Variants in PCDH15 observed in about 807,000 individuals in gnomAD.
The protein encoded by PCDH15 is protocadherin-15.
In PCDH15, 129 loss-of-function variants were observed where a neutral mutation model predicts 178.5. The ratio of observed to expected loss-of-function variants is 0.72; its 90% confidence interval spans 0.63 to 0.84. PCDH15 has a LOEUF of 0.84. PCDH15 is among the 40% of genes least tolerant of loss of function. The pLI is 0.00. For missense variants in PCDH15, 2,230 were observed against 2,099.9 expected, an observed-to-expected ratio of 1.06 and a Z score of -1.21; for synonymous variants, 800 against 732.0, an observed-to-expected ratio of 1.09 and a Z score of -1.50.
rs2094709661 is a variant in PCDH15 at position 54,673,198 on chromosome 10, T to C, written c.-28-8908A>G. 2.0e-5 allele frequency among the ~76,000 whole-genome samples: 3 copies of C among 152,056 alleles called. 1 individual carries two copies. On this transcript the variant is annotated intron_variant, in intron 1 of 37. Coordinates refer to ENST00000644397, the MANE Select transcript of PCDH15 (RefSeq NM_001384140.1). ...CAACCCGTCATCTACATTAGGTATT[T>C]CTCCTAATGCTATCCCTCCCCTAAC... is the stretch of plus-strand genomic sequence containing the variant.
At chr10:54,977,468 C>T (rs530722116) in intron 2 of PCDH15, among the ~76,000 whole-genome samples, 2 of 152,120 alleles carry the variant, frequency 1.3e-5, no homozygotes, top group African/African-American at 4.8e-5. Context: ...TGAAAGTTTA[C>T]AAACGCCATG....
intron 3 of PCDH15, among the ~76,000 whole-genome samples, chr10:54,515,092 G>C (rs575065749): frequency 2.6e-5 from 4 of 152,176 alleles, no homozygotes; most frequent in South Asian, 4.1e-4. Context: ...CTGAGGTACC[G>C]GGTTCATCTC....
At chr10:53,872,367 T>C (rs1357525601) in intron 26 of PCDH15, among the ~76,000 whole-genome samples, 1 of 152,230 alleles carries the variant, frequency 6.6e-6, no homozygotes, top group East Asian at 1.9e-4. Flanking sequence ...TAAACTTTCA[T>C]GTCTAAATTC....
At chr10:54,440,368 C>G (rs2075724726) in intron 3 of PCDH15, among the ~76,000 whole-genome samples, 1 of 151,884 alleles carries the variant, frequency 6.6e-6, no homozygotes, top group South Asian at 2.1e-4. Flanking sequence ...AGAGGAAAAC[C>G]TCCTAAAATC....
At chr10:55,313,406 T>G (rs1843640760) in intron 1 of PCDH15, among the ~76,000 whole-genome samples, 2 of 152,200 alleles carry the variant, frequency 1.3e-5, no homozygotes, top group African/African-American at 4.8e-5. Context: ...GTTAAATTCC[T>G]TCTATTTAAA....
chr10:55,115,881 C>G (rs941818343), intron 2 of PCDH15, among the ~76,000 whole-genome samples: 3 of 152,192 alleles, frequency 2.0e-5, no homozygotes, highest in Admixed American at 6.5e-5. Flanking sequence ...CTCCATCTTT[C>G]TTTTCACTTT....
chr10:54,869,426 T>G (rs1953996039), intron 3 of PCDH15, among the ~76,000 whole-genome samples: 1 of 152,160 alleles, frequency 6.6e-6, no homozygotes, highest in Admixed American at 6.6e-5. Flanking sequence ...ACAGCAGCCC[T>G]GGAAAAGTAA....
chr10:54,544,741 T>G (rs2085657882), intron 2 of PCDH15, among the ~76,000 whole-genome samples: 3 of 152,172 alleles, frequency 2.0e-5, no homozygotes, highest in Non-Finnish European at 4.4e-5. Flanking sequence ...ATACACGCAA[T>G]GGTTTTCTCT....
chr10:55,225,886 T>A (rs1311335361), intron 1 of PCDH15, among the ~76,000 whole-genome samples: 1 of 151,950 alleles, frequency 6.6e-6, no homozygotes, highest in Non-Finnish European at 1.5e-5. Context: ...TTCTCTAAAT[T>A]TGGGGACCGT....
chr10:55,553,255 T>C (rs557984850), intron 2 of PCDH15, among the ~76,000 whole-genome samples: 1 of 151,358 alleles, frequency 6.6e-6, no homozygotes, highest in Non-Finnish European at 1.5e-5. Context: ...TTTTGTGTGG[T>C]TCACCTCTGG....
At chr10:55,158,620 AG>A (rs1178362563) in intron 2 of PCDH15, among the ~76,000 whole-genome samples, 9 of 151,854 alleles carry the variant, frequency 5.9e-5, no homozygotes, top group Non-Finnish European at 1.3e-4. Context: ...CAAAAATAAA[AG>A]CTTTTAAAGT....
chr10:55,217,827 G>T (rs1840750005), intron 1 of PCDH15, among the ~76,000 whole-genome samples: 1 of 151,846 alleles, frequency 6.6e-6, no homozygotes, highest in Non-Finnish European at 1.5e-5. Flanking sequence ...TTAATCAAGG[G>T]GTGAACTGCT....
chr10:55,408,050 C>A (rs897813889), intron 2 of PCDH15, among the ~76,000 whole-genome samples: 2 of 152,072 alleles, frequency 1.3e-5, no homozygotes, highest in Non-Finnish European at 2.9e-5. Flanking sequence ...AAGATGGTAA[C>A]CAATAACTTG....
intron 18 of PCDH15, among the ~76,000 whole-genome samples, chr10:54,063,632 G>A (rs1168353667): frequency 1.3e-5 from 2 of 152,138 alleles, no homozygotes; most frequent in Non-Finnish European, 2.9e-5. Context: ...CGGACTAGCT[G>A]TGTTTGTATC....
At chr10:54,848,678 G>GACT (rs1391448297) in intron 3 of PCDH15, among the ~76,000 whole-genome samples, 2 of 152,228 alleles carry the variant, frequency 1.3e-5, no homozygotes, top group African/African-American at 4.8e-5. Flanking sequence ...ATAGAAAACA[G>GACT]ACTAGTACAT....
Position 53,828,569 on chromosome 10 carries a change from T to G in PCDH15, c.4207A>C (p.Lys1403Gln), listed in dbSNP as rs745333139. The change falls in exon 31 of 38, where the codon AAA becomes CAA. Residue 1403 changes from lysine to glutamine, a missense_variant. Physicochemically the swap from Lys to Gln is moderately conservative, Grantham distance 53. Transcript: ENST00000644397. Reference sequence around the variant, plus strand: ...TAAAATGTTAATTATACTTACACTTTAAACCTGTTTGGGAAAGCAAGAGTA... The same window carrying G: ...TAAAATGTTAATTATACTTACACTTGAAACCTGTTTGGGAAAGCAAGAGTA... ...LVVLVSYRQFKVRQAECTKTA... is the reference protein window; with the variant it reads ...LVVLVSYRQFQVRQAECTKTA... 18 of 1,554,326 alleles carry G rather than the reference T, an allele frequency of 1.2e-5. No homozygotes were observed. The South Asian group carries it at 1.9e-4, about 16-fold the overall frequency.
At chr10:54,726,284 G>T (rs1353242796) in intron 1 of PCDH15, among the ~76,000 whole-genome samples, 1 of 151,376 alleles carries the variant, frequency 6.6e-6, no homozygotes, top group Non-Finnish European at 1.5e-5. Flanking sequence ...AGTTTCCTAA[G>T]AAAATAATTA....
chr10:54,090,652 A>G (rs1229851456), intron 15 of PCDH15, among the ~76,000 whole-genome samples: 1 of 152,100 alleles, frequency 6.6e-6, no homozygotes, highest in Non-Finnish European at 1.5e-5. Context: ...TCAAAAAAAA[A>G]AAAAAAAAAA....
chr10:54,184,377 AG>A (rs1194778906), intron 12 of PCDH15, among the ~76,000 whole-genome samples: 1 of 141,228 alleles, frequency 7.1e-6, no homozygotes, highest in African/African-American at 2.5e-5. Flanking sequence ...GGATATAATT[AG>A]AAGTTACATT....
Sources: allele counts gnomAD v4.1 joint callset (sites outside exome capture counted in the v4.1 genomes callset), GRCh38; gene constraint gnomAD v4.1.1; transcripts MANE v1.5; gene names NCBI Gene and HGNC (gene_info 2026-07-23, HGNC 2026-07-21).